The following UHRF1 variants were observed in gnomAD, a reference collection of about 807,000 sequenced individuals.
The protein encoded by UHRF1 is E3 ubiquitin-protein ligase UHRF1.
Under a neutral mutation model 96.5 loss-of-function variants are expected in UHRF1, and 9 were observed. The ratio of observed to expected loss-of-function variants is 0.09; its 90% CI spans 0.06 to 0.16. The LOEUF (loss-of-function observed/expected upper bound fraction) is 0.16. UHRF1 is among the 10% of genes least tolerant of loss of function. The pLI is 1.00. For missense variants in UHRF1, 626 were observed against 1,131.1 expected (o/e 0.55, Z 6.40); for synonymous variants, 455 against 469.9 (o/e 0.97, Z 0.41).
At chr19:4,948,919 C>T (rs1227054000) in intron 11 of UHRF1, among the ~76,000 whole-genome samples, 4 of 139,164 alleles carry the variant, frequency 2.9e-5, no homozygotes, top group Admixed American at 1.6e-4. Flanking sequence ...GTCAGGAGAT[C>T]GAAACCATCC....
chr19:4,911,627 C>G (rs1465501392), intron 2 of UHRF1, among the ~76,000 whole-genome samples: 1 of 152,158 alleles, frequency 6.6e-6, no homozygotes, highest in Non-Finnish European at 1.5e-5. Flanking sequence ...GTCCACCGAC[C>G]CTCGTCTCTT....
rs1358002898 is a variant in UHRF1, at chr19:4,954,730, C to G, written c.2038C>G (p.Gln680Glu). The change falls in exon 15 of 17, where the codon CAG becomes GAG. Residue 680 changes from glutamine to glutamate, a missense_variant. Transcript: ENST00000650932. The surrounding 1 kb of genome is among the most constrained non-coding windows in gnomAD (Gnocchi z 5.9). ...KVEPYSLTAQ[Q>E]SSLIREDKSN... The stretch of plus-strand genomic sequence containing the variant: ...GGAGCCCTACAGTCTCACGGCCCAG[C>G]AGAGCAGCCTCATCAGAGAGGACAA... The G allele has an allele frequency of 1.2e-6, 2 of 1,613,806 alleles. No individual in the cohort carries two copies. Among genetic ancestry groups the G allele is most frequent in the South Asian group, 1.1e-5 (1 of 91,072 alleles).
rs17880612 is a variant in UHRF1, at chr19:4,957,908, C to T, written c.2235+1095C>T. ...AACCTCTGGCCAGAGCCGGCAGTCC[C>T]GGTGGACAGGTGTGGAAGGGACTGA... On this transcript the variant is annotated intron_variant, in intron 16 of 16. Transcript: ENST00000650932. Among the ~76,000 whole-genome samples the T allele has an allele frequency of 6.7e-3, 1,014 of 152,306 alleles. 13 individuals are homozygous for T. Among genetic ancestry groups the T allele is most frequent in the African/African-American group, 0.023 (976 of 41,568 alleles).
At chr19:4,924,212 T>C (rs2032794747) in intron 2 of UHRF1, among the ~76,000 whole-genome samples, 1 of 152,130 alleles carries the variant, frequency 6.6e-6, no homozygotes, top group African/African-American at 2.4e-5. Context: ...TGCAGTGGCG[T>C]GATCTCGGCT....
At chr19:4,919,053 G>A (rs1323427371) in intron 2 of UHRF1, among the ~76,000 whole-genome samples, 1 of 136,168 alleles carries the variant, frequency 7.3e-6, no homozygotes, top group Non-Finnish European at 1.5e-5. Context: ...TTGAGACAGT[G>A]TATCAGTGTC....
intron 2 of UHRF1, 112 bp from the exon 3 acceptor site, chr19:4,929,110 T>C (rs2032964549): frequency 8.7e-6 from 12 of 1,374,296 alleles, no homozygotes; most frequent in African/African-American, 3.7e-5. Context: ...CTGATGCAGA[T>C]TGCCCCCCCC....
intron 2 of UHRF1, among the ~76,000 whole-genome samples, chr19:4,914,564 G>A (rs1169201976): frequency 2.0e-5 from 3 of 152,042 alleles, no homozygotes; most frequent in Admixed American, 6.6e-5. Flanking sequence ...CTTGATGGGC[G>A]GGAACGCAGG....
intron 10 of UHRF1, 29 bp downstream of exon 10, chr19:4,945,994 A>AGGGGGGGGGGGGG: frequency 2.0e-6 from 1 of 510,978 alleles, no homozygotes. Flanking sequence ...GGGGTGGGGG[A>AGGGGGGGGGGGGG]GGGTTGCTCT....
chr19:4,959,202 C>T (rs1249608795), intron 16 of UHRF1, among the ~76,000 whole-genome samples: 2 of 151,246 alleles, frequency 1.3e-5, no homozygotes, highest in Non-Finnish European at 2.9e-5. Context: ...TGCTGGTGGG[C>T]GCCTGTAATC....
In UHRF1 at chr19:4,930,984, G is replaced by T; in HGVS notation, c.569+108G>T. The T allele has an allele frequency of 6.7e-7, 1 of 1,491,524 alleles. No homozygotes were observed. The highest frequency in any genetic ancestry group is 1.8e-5 in the Admixed American group (1 of 54,630). The allele number at this position is 1,491,524 out of a possible 1,614,324, so 92.4% of individuals were successfully genotyped here. On this transcript the variant is annotated intron_variant, in intron 4 of 16. Transcript: ENST00000650932. This position sits in a 1 kb window ranked among gnomAD's most constrained non-coding sequence, Gnocchi z 4.4. Reference sequence around the variant, plus strand: ...GGCACTGTCTCGAGATGGTGATCAGGATCTGGGGCCCCATCCTCGAATTCC... The same window carrying T: ...GGCACTGTCTCGAGATGGTGATCAGTATCTGGGGCCCCATCCTCGAATTCC...
chr19:4,943,165 G>C (rs1004742334), intron 7 of UHRF1, among the ~76,000 whole-genome samples: 1 of 150,542 alleles, frequency 6.6e-6, no homozygotes, highest in African/African-American at 2.4e-5. Flanking sequence ...GCTTGAACCT[G>C]GGAGGCGGAG....
At chr19:4,947,050 C>CT (rs374695577) in intron 10 of UHRF1, 55 bp from the exon 11 acceptor site, 38,967 of 1,131,316 alleles carry the variant, frequency 0.034, 14 homozygotes, top group South Asian at 0.037. Flanking sequence ...AATGCAGTCT[C>CT]TTTTTTTTTT....
intron 10 of UHRF1, among the ~76,000 whole-genome samples, chr19:4,946,476 G>A (rs541983435): frequency 6.6e-6 from 1 of 152,184 alleles, no homozygotes; most frequent in African/African-American, 2.4e-5. Context: ...GATCTGCTAC[G>A]AACACGGCTG....
intron 2 of UHRF1, among the ~76,000 whole-genome samples, chr19:4,924,174 G>C: frequency 6.6e-6 from 1 of 152,104 alleles, no homozygotes; most frequent in Non-Finnish European, 1.5e-5. Flanking sequence ...TTTTGAGACG[G>C]AGTCTCGCTC....
chr19:4,931,253 A>T (rs1182502948), intron 4 of UHRF1, among the ~76,000 whole-genome samples: 1 of 152,086 alleles, frequency 6.6e-6, no homozygotes, highest in Non-Finnish European at 1.5e-5. Flanking sequence ...CGGGGTCCAC[A>T]CACCAGTGGA....
At chr19:4,911,646 C>G (rs770744142) in intron 2 of UHRF1, among the ~76,000 whole-genome samples, 5 of 152,210 alleles carry the variant, frequency 3.3e-5, no homozygotes, top group Non-Finnish European at 5.9e-5. Flanking sequence ...TTTCTCTGTT[C>G]TGTCTCCAGC....
chr19:4,953,679 T>A (rs535461429), intron 13 of UHRF1, among the ~76,000 whole-genome samples: 14 of 151,756 alleles, frequency 9.2e-5, no homozygotes, highest in African/African-American at 3.4e-4. Flanking sequence ...TTGCCCAGGC[T>A]GGTCTCAAAC....
At chr19:4,909,376 G>T (rs929231256), upstream of UHRF1, 1 of 609,524 alleles carries the variant, frequency 1.6e-6, no homozygotes, top group Admixed American at 2.7e-5. Context: ...AGGCGGGGGC[G>T]CCCCCCACCC....
chr19:4,936,478 G>C (rs1300770438), intron 5 of UHRF1, among the ~76,000 whole-genome samples: 1 of 152,126 alleles, frequency 6.6e-6, no homozygotes, highest in Non-Finnish European at 1.5e-5. Context: ...CAGATAGGTG[G>C]CTGAGCCCCA....
Sources: allele counts gnomAD v4.1 joint callset (sites outside exome capture counted in the v4.1 genomes callset), GRCh38; gene constraint gnomAD v4.1.1; non-coding constraint Gnocchi (gnomAD v3.1); transcripts MANE v1.5; gene names NCBI Gene and HGNC (gene_info 2026-07-23, HGNC 2026-07-21).